The following KLHL30 variants were observed in gnomAD, a reference collection of about 807,000 sequenced individuals.
KLHL30 encodes the protein kelch like family member 30, also known as kelch-like protein 30.
A neutral mutation model predicts 55.0 loss-of-function variants in KLHL30; 55 were observed. The ratio of observed to expected loss-of-function variants is 1.00; its 90% CI spans 0.80 to 1.25. The LOEUF is 1.25. Ranked by LOEUF, KLHL30 falls within the 50% of genes most tolerant of loss-of-function variation. The pLI, the probability that KLHL30 is intolerant of heterozygous loss-of-function variation, is 0.00. For missense variants in KLHL30, 786 were observed against 811.6 expected, an observed-to-expected ratio of 0.97 and a Z score of 0.38; for synonymous variants, 356 against 372.6, an observed-to-expected ratio of 0.96 and a Z score of 0.51.
In KLHL30 at chr2:238,142,876, A is replaced by G; in HGVS notation, c.852A>G (p.Ala284=). ...GGCAGGCGCTGGAGGAGGAGGAGGC[A>G]GGTGAGGAGCCCACCCCCGGCCTTG... ...VGGQALEEEE[A]GEEPTPGLGN... The change falls in exon 3 of 8, where the codon GCA becomes GCG. Residue 284 remains alanine (A), a synonymous_variant. Transcript: ENST00000409223. 1 of 1,482,530 alleles carries G rather than the reference A, an allele frequency of 6.7e-7. No homozygotes were observed. The highest frequency in any genetic ancestry group is 8.9e-7 in the Non-Finnish European group (1 of 1,125,316). The allele number at this position is 1,482,530 out of a possible 1,614,324, so 91.8% of individuals were successfully genotyped here. A position where few individuals can be genotyped will look rare whatever the true frequency, so the allele number is the denominator to read the frequency against.
chr2:238,149,320 CTGGGGTG>C (rs1692708704), intron 7 of KLHL30, among the ~76,000 whole-genome samples, 168 bp downstream of exon 7: 1 of 145,706 alleles, frequency 6.9e-6, no homozygotes, highest in South Asian at 2.2e-4. Flanking sequence ...GTGGCGCAGG[CTGGGGTG>C]CCCACAGAGG....
At position 238,145,769 on chromosome 2, in the gene KLHL30, A is replaced by G. The variant is rs763144178; in HGVS notation, c.1087A>G (p.Met363Val). ...KEASWKPVAPMLKPRTNHASA... is the reference protein window; with the variant it reads ...KEASWKPVAPVLKPRTNHASA... The stretch of plus-strand genomic sequence containing the variant: ...GGCCTCCTGGAAGCCCGTGGCGCCC[A>G]TGCTGAAGCCCCGCACCAACCACGC... The change falls in exon 5 of 8, where the codon ATG becomes GTG. Residue 363 changes from methionine to valine, a missense_variant. Transcript: ENST00000409223. 3.7e-6 allele frequency: 6 copies of G among 1,606,866 alleles called. No homozygotes were observed. In the East Asian group the frequency reaches 1.1e-4, roughly 30 times the overall value.
intron 2 of KLHL30, 43 bp from the exon 3 acceptor site, chr2:238,142,756 G>T: frequency 7.4e-6 from 10 of 1,356,702 alleles, no homozygotes; most frequent in Non-Finnish European, 9.5e-6. Context: ...CAGGGCATGG[G>T]GACACATTGC....
rs375845038 is a variant in KLHL30 at position 238,151,102 on chromosome 2, C to G, written c.*37C>G. On this transcript the variant is annotated 3_prime_UTR_variant, in exon 8 of 8. Coordinates refer to ENST00000409223, the MANE Select transcript of KLHL30 (RefSeq NM_198582.4). ...GGTCCCCGGGGAGGAGTCCCCACAG[C>G]GGCCCCTCATCAGCCTGTGGAACGG... The G allele has an allele frequency of 1.9e-6, 3 of 1,555,092 alleles. No individual in the cohort carries two copies. The highest frequency in any genetic ancestry group is 1.4e-5 in the African/African-American group (1 of 73,592).
intron 6 of KLHL30, among the ~76,000 whole-genome samples, chr2:238,148,793 A>AG (rs1692694280): frequency 6.6e-6 from 1 of 152,124 alleles, no homozygotes; most frequent in African/African-American, 2.4e-5. Flanking sequence ...CAGCCTTGTG[A>AG]GGGGTCACTG....
Position 238,151,410 on chromosome 2 carries a change from T to C in KLHL30, c.*345T>C. On this transcript the variant is annotated 3_prime_UTR_variant, in exon 8 of 8. Transcript: ENST00000409223. ...AGCTTGCGAGCCCCACTCCTGCCCC[T>C]GGACCCCAGCAGGGGCTTTTGGAGC... 2.7e-6 allele frequency: 1 copy of C among 376,894 alleles called. No homozygotes were observed. The highest frequency in any genetic ancestry group is 4.9e-6 in the Non-Finnish European group (1 of 203,830). The allele number at this position is 376,894 out of a possible 1,614,324, so 23.3% of individuals were successfully genotyped here.
At chr2:238,143,522 C>A (rs1245471242) in intron 3 of KLHL30, among the ~76,000 whole-genome samples, 2 of 152,256 alleles carry the variant, frequency 1.3e-5, no homozygotes, top group Non-Finnish European at 2.9e-5. Context: ...CCAGGTCTGC[C>A]ATTTGGCGGG....
rs1559276012 is a variant in KLHL30 at position 238,144,426 on chromosome 2, G to GGAAGGAAGGAAT, written c.908-467_908-466insAATGAAGGAAGG. 2.7e-4 allele frequency among the ~76,000 whole-genome samples: 26 copies of GGAAGGAAGGAAT among 95,398 alleles called. No individual in the cohort carries two copies. In the South Asian group the frequency reaches 3.0e-3, roughly 11 times the overall value. The allele number at this position is 95,398 out of a possible 152,430, so 62.6% of individuals were successfully genotyped here. A position where few individuals can be genotyped will look rare whatever the true frequency, so the allele number is the denominator to read the frequency against. ...AGGAAGGAAGGAAGGAAGGAAGGAA[G>GGAAGGAAGGAAT]GAAGGAAGGCAGGCAGGCAGGCAGG... On this transcript the variant is annotated intron_variant, in intron 3 of 7. Coordinates refer to ENST00000409223, the MANE Select transcript of KLHL30 (RefSeq NM_198582.4).
intron 7 of KLHL30, among the ~76,000 whole-genome samples, chr2:238,149,540 G>A (rs558866957): frequency 6.6e-5 from 10 of 152,310 alleles, no homozygotes; most frequent in South Asian, 2.1e-4. Flanking sequence ...GGGAGAACGC[G>A]ATTTGGGTTG....
intron 1 of KLHL30, 51 bp downstream of exon 1, chr2:238,138,809 A>T (rs928335231): frequency 1.0e-4 from 16 of 152,630 alleles, no homozygotes; most frequent in African/African-American, 3.9e-4. Context: ...GGCAGGGGGA[A>T]CCCAGCCAGG....
chr2:238,143,186 A>G (rs1234547793), intron 3 of KLHL30, among the ~76,000 whole-genome samples: 1 of 152,138 alleles, frequency 6.6e-6, no homozygotes, highest in Non-Finnish European at 1.5e-5. Context: ...GGTCCCTTTT[A>G]GGCCCTGGAG....
In KLHL30 at chr2:238,151,987, G is replaced by A; in HGVS notation, c.*922G>A. 1 of 985,512 alleles carries A rather than the reference G, an allele frequency of 1.0e-6. No homozygotes were observed. The highest frequency in any genetic ancestry group is 1.2e-6 in the Non-Finnish European group (1 of 829,966). The allele number at this position is 985,512 out of a possible 1,614,324, so 61.0% of individuals were successfully genotyped here. ...CGACTCCGGCTGGCTCAGGCTCCGAGTGGCTTCTCCCTCATCCTGAATGAG... is the reference window on the plus strand; with the variant it reads ...CGACTCCGGCTGGCTCAGGCTCCGAATGGCTTCTCCCTCATCCTGAATGAG... On this transcript the variant is annotated 3_prime_UTR_variant, in exon 8 of 8. Coordinates refer to ENST00000409223, the MANE Select transcript of KLHL30 (RefSeq NM_198582.4).
rs529207595 is a variant in KLHL30 at position 238,147,647 on chromosome 2, C to G, written c.1151-187C>G. Reference sequence around the variant, plus strand: ...AGGCCCGAGTGTCCACCCCCACCCCCACCACTTCCTGGCGGGGCGGCCTTG... The same window carrying G: ...AGGCCCGAGTGTCCACCCCCACCCCGACCACTTCCTGGCGGGGCGGCCTTG... On this transcript the variant is annotated intron_variant, in intron 5 of 7. Coordinates refer to ENST00000409223, the MANE Select transcript of KLHL30 (RefSeq NM_198582.4). The surrounding 1 kb of genome is among the most constrained non-coding windows in gnomAD (Gnocchi z 5.8). 3.0e-3 allele frequency among the ~76,000 whole-genome samples: 451 copies of G among 152,302 alleles called. 3 individuals carry two copies. The highest frequency in any genetic ancestry group is 0.01 in the African/African-American group (428 of 41,574).
chr2:238,141,192 G>A lies in KLHL30; in HGVS notation c.438G>A (p.Gly146=). The A allele has an allele frequency of 6.2e-7, 1 of 1,611,602 alleles. No homozygotes were observed. The highest frequency in any genetic ancestry group is 8.5e-7 in the Non-Finnish European group (1 of 1,179,678). ...LGICEFGEQQ[G]LLGVAAKAWA... ...TCTGTGAGTTCGGGGAGCAGCAAGG[G>A]CTGCTGGGCGTGGCTGCCAAGGCCT... The change falls in exon 2 of 8, where the codon GGG becomes GGA. Residue 146 remains glycine, a synonymous_variant. Transcript: ENST00000409223.
At chr2:238,146,181 G>A (rs1378585355) in intron 5 of KLHL30, among the ~76,000 whole-genome samples, 1 of 152,054 alleles carries the variant, frequency 6.6e-6, no homozygotes, top group Non-Finnish European at 1.5e-5. Flanking sequence ...GCTACAGCAA[G>A]GAGTCACCCA....
At chr2:238,146,085 A>T (rs1692643398) in intron 5 of KLHL30, among the ~76,000 whole-genome samples, 1 of 152,090 alleles carries the variant, frequency 6.6e-6, no homozygotes, top group African/African-American at 2.4e-5. Flanking sequence ...TGGGACAGCG[A>T]CAGCAAGATG....
In KLHL30 at chr2:238,147,143, T is replaced by C. The variant is rs1692662474; in HGVS notation, c.1151-691T>C. Among the ~76,000 whole-genome samples the C allele has an allele frequency of 8.0e-6, 1 of 125,280 alleles. No individual in the cohort carries two copies. The allele number at this position is 125,280 out of a possible 152,430, so 82.2% of individuals were successfully genotyped here. On this transcript the variant is annotated intron_variant, in intron 5 of 7. Coordinates refer to ENST00000409223, the MANE Select transcript of KLHL30 (RefSeq NM_198582.4). The surrounding 1 kb of genome is among the most constrained non-coding windows in gnomAD (Gnocchi z 5.8). Reference sequence around the variant, plus strand: ...GCCTGGGTGACCGAGCAAGACCCTGTCTCAAAAAAAAAAAAAAGAAAGAAA... The same window carrying C: ...GCCTGGGTGACCGAGCAAGACCCTGCCTCAAAAAAAAAAAAAAGAAAGAAA...
intron 6 of KLHL30, 145 bp downstream of exon 6, chr2:238,148,167 A>G (rs1354935006): frequency 9.2e-6 from 7 of 761,290 alleles, no homozygotes; most frequent in Non-Finnish European, 1.4e-5. Flanking sequence ...GGCCTCTCAC[A>G]AAGAGGAGGG....
Position 238,144,918 on chromosome 2 carries a change from TCCAGACTTC to T in KLHL30, c.927_935del (p.Phe311_Asp313del). 1.9e-6 allele frequency: 3 copies of T among 1,610,906 alleles called. No homozygotes were observed. The African/African-American group carries it at 4.0e-5, about 21-fold the overall frequency. On this transcript the variant is annotated inframe_deletion, in exon 4 of 8. Coordinates refer to ENST00000409223, the MANE Select transcript of KLHL30 (RefSeq NM_198582.4). Reference sequence around the variant, plus strand: ...TCCTGCCAGAGAGGTGGATGGCACTTCCAGACTTCCCCGACTATCACAAGTGGGGTTTCT... The same window carrying T: ...TCCTGCCAGAGAGGTGGATGGCACTTCCCGACTATCACAAGTGGGGTTTCT...
Sources: gnomAD v4.1 joint callset for allele counts (sites outside exome capture counted in the v4.1 genomes callset) on GRCh38, gnomAD v4.1.1 for gene constraint, Gnocchi (gnomAD v3.1) non-coding constraint, MANE v1.5 for transcripts, NCBI Gene and HGNC (gene_info 2026-07-23, HGNC 2026-07-21) for gene names.